GFAP: variants seen among roughly 807,000 people sequenced by gnomAD.
GFAP encodes glial fibrillary acidic protein.
Under a neutral mutation model 49.3 loss-of-function variants are expected in GFAP, and 38 were observed. That is an observed-to-expected ratio of 0.77 (90% CI 0.60 to 1.01). GFAP has a LOEUF of 1.01. Among genes scored for constraint, GFAP ranks in the 50% least tolerant of loss-of-function variants. The pLI is 0.00. For synonymous variants in GFAP, 222 were observed against 236.4 expected, an observed-to-expected ratio of 0.94 and a Z score of 0.56; for missense variants, 463 against 579.1, an observed-to-expected ratio of 0.80 and a Z score of 2.06.
chr17:44,904,203 G>C lies in GFAP; in HGVS notation c.*3144C>G, dbSNP rs1317001313. Reference sequence around the variant, plus strand: ...TCTGAGGACTCAGGCCTGTACTTCTGCGGCACCCGCAAGGGGGACTACTTT... The same window carrying C: ...TCTGAGGACTCAGGCCTGTACTTCTCCGGCACCCGCAAGGGGGACTACTTT... On this transcript the variant is annotated 3_prime_UTR_variant, in exon 9 of 9. Coordinates refer to ENST00000588735, the MANE Select transcript of GFAP (RefSeq NM_002055.5). The C allele has an allele frequency of 1.3e-6, 2 of 1,550,440 alleles. No individual in the cohort carries two copies. The highest frequency in any genetic ancestry group is 2.7e-5 in the African/African-American group (2 of 73,046).
chr17:44,909,085 A>AGG (rs1247499002), intron 7 of GFAP: 1 of 152,014 alleles, frequency 6.6e-6, no homozygotes, highest in Non-Finnish European at 1.5e-5. Context: ...TGAGTGACAG[A>AGG]GGGACGCTCT....
At position 44,905,437 on chromosome 17, in the gene GFAP, T is replaced by A. The variant is rs1274146460; in HGVS notation, c.*1910A>T. On this transcript the variant is annotated 3_prime_UTR_variant, in exon 9 of 9. Transcript: ENST00000588735. The stretch of plus-strand genomic sequence containing the variant: ...GCCTATGAAGATTGTGCTGGTTGAG[T>A]TGCAGGTAGCAGGGAGAGGAAGGAA... The A allele has an allele frequency of 4.7e-6, 1 of 211,194 alleles. No homozygotes were observed. Among genetic ancestry groups the A allele is most frequent in the Non-Finnish European group, 1.0e-5 (1 of 96,722 alleles). 13.1% of individuals were successfully genotyped at this position (211,194 alleles called of 1,614,324 possible). A position where few individuals can be genotyped will look rare whatever the true frequency, so the allele number is the denominator to read the frequency against.
At position 44,907,392 on chromosome 17, in the gene GFAP, C is replaced by T. The variant is rs1947474216; in HGVS notation, c.1258-4G>A. 1 of 1,609,890 alleles carries T rather than the reference C, an allele frequency of 6.2e-7. No homozygotes were observed. The highest frequency in any genetic ancestry group is 1.1e-5 in the South Asian group (1 of 91,008). On this transcript the variant is annotated splice_region_variant and splice_polypyrimidine_tract_variant and intron_variant, in intron 8 of 8. Coordinates refer to ENST00000588735, the MANE Select transcript of GFAP (RefSeq NM_002055.5). ...CCTGCTTGGACTCCTTAATGACCTG[C>T]AGGGGACAGGGAACGTGCACAGTGC...
Position 44,904,033 on chromosome 17 carries a change from A to C in GFAP, c.*3314T>G. 1 of 1,550,644 alleles carries C rather than the reference A, an allele frequency of 6.4e-7. No homozygotes were observed. The highest frequency in any genetic ancestry group is 8.7e-7 in the Non-Finnish European group (1 of 1,147,006). On this transcript the variant is annotated 3_prime_UTR_variant, in exon 9 of 9. Transcript: ENST00000588735. ...TGCCAGCTGTAGTCTGGTTCTACCA[A>C]AAGCACCTAGGTAGCAGCCACACCA... is the stretch of plus-strand genomic sequence containing the variant.
intron 4 of GFAP, among the ~76,000 whole-genome samples, chr17:44,912,107 T>TG (rs1555574313): frequency 6.8e-6 from 1 of 147,068 alleles, no homozygotes; most frequent in African/African-American, 2.6e-5. Flanking sequence ...GTGTTTTGTG[T>TG]GTTTTTGTTT....
intron 7 of GFAP, 23 bp downstream of exon 7, chr17:44,910,592 C>G (rs1210658190): frequency 6.4e-7 from 1 of 1,565,904 alleles, no homozygotes; most frequent in South Asian, 1.2e-5. Context: ...AGTGCCCTTC[C>G]CACGAGGCCC....
chr17:44,906,787 T>A lies in GFAP; in HGVS notation c.*560A>T. The A allele has an allele frequency of 5.7e-6, 1 of 176,366 alleles. No homozygotes were observed. Among genetic ancestry groups the A allele is most frequent in the Non-Finnish European group, 1.2e-5 (1 of 82,398 alleles). The allele number at this position is 176,366 out of a possible 1,614,324, so 10.9% of individuals were successfully genotyped here. A position where few individuals can be genotyped will look rare whatever the true frequency, so the allele number is the denominator to read the frequency against. On this transcript the variant is annotated 3_prime_UTR_variant, in exon 9 of 9. Coordinates refer to ENST00000588735, the MANE Select transcript of GFAP (RefSeq NM_002055.5). ...TGGGTAGACTGCTTGAGCCCAGGAGTTCAAGGTCAGCCTAGGCAGCATAGG... is the reference window on the plus strand; with the variant it reads ...TGGGTAGACTGCTTGAGCCCAGGAGATCAAGGTCAGCCTAGGCAGCATAGG...
Position 44,911,114 on chromosome 17 carries a change from G to T in GFAP, c.1127+122C>A, listed in dbSNP as rs2051751424. The T allele has an allele frequency of 3.5e-6, 3 of 845,988 alleles. No homozygotes were observed. The East Asian group carries it at 7.3e-5, about 21-fold the overall frequency. 52.4% of individuals were successfully genotyped at this position (845,988 alleles called of 1,614,324 possible). On this transcript the variant is annotated intron_variant, in intron 6 of 8. Transcript: ENST00000588735. ...ATGTGTGAGGCAGGCACTGTGCTGG[G>T]CATTGAGGTGGGAAGGGATCTGCAC...
Position 44,908,020 on chromosome 17 carries a change from C to T in GFAP, c.1257+44G>A, listed in dbSNP as rs764315844. The T allele has an allele frequency of 1.1e-5, 15 of 1,390,680 alleles. No individual in the cohort carries two copies. The East Asian group carries it at 3.0e-4, about 27-fold the overall frequency. 86.1% of individuals were successfully genotyped at this position (1,390,680 alleles called of 1,614,324 possible). A position where few individuals can be genotyped will look rare whatever the true frequency, so the allele number is the denominator to read the frequency against. ...CCTCCATGGCCTGGCCTTGAGAATC[C>T]CTGGGGCCAGCCAGAGCCTGACTGG... is the stretch of plus-strand genomic sequence containing the variant. On this transcript the variant is annotated intron_variant, in intron 8 of 8. Transcript: ENST00000588735.
Position 44,903,959 on chromosome 17 carries a change from C to A in GFAP, c.*3388G>T. On this transcript the variant is annotated 3_prime_UTR_variant, in exon 9 of 9. Transcript: ENST00000588735. ...CCTGATGTTTGAAAATGCAGCCTACCTGGCCGACATGAGCTTTGAGCTTCC... is the reference window on the plus strand; with the variant it reads ...CCTGATGTTTGAAAATGCAGCCTACATGGCCGACATGAGCTTTGAGCTTCC... The A allele has an allele frequency of 1.3e-6, 2 of 1,550,610 alleles. No individual in the cohort carries two copies. Among genetic ancestry groups the A allele is most frequent in the South Asian group, 2.4e-5 (2 of 84,050 alleles).
intron 7 of GFAP, chr17:44,910,402 C>T (rs1293076177): frequency 1.9e-6 from 3 of 1,600,030 alleles, no homozygotes; most frequent in African/African-American, 2.7e-5. Context: ...GAAGAGGGAC[C>T]AGGGCCTAGC....
In GFAP at chr17:44,906,225, A is replaced by G; in HGVS notation, c.*1122T>C. 1 of 152,420 alleles carries G rather than the reference A, an allele frequency of 6.6e-6. No individual in the cohort carries two copies. The highest frequency in any genetic ancestry group is 1.5e-5 in the Non-Finnish European group (1 of 68,120). The allele number at this position is 152,420 out of a possible 1,614,324, so 9.4% of individuals were successfully genotyped here. On this transcript the variant is annotated 3_prime_UTR_variant, in exon 9 of 9. Coordinates refer to ENST00000588735, the MANE Select transcript of GFAP (RefSeq NM_002055.5). ...TGGGACAAAGTCATGCCCTGCCCCC[A>G]TGGATACATCCCCTTTCTCTCCTGT...
intron 1 of GFAP, 168 bp from the exon 2 acceptor site, chr17:44,914,256 G>T: frequency 1.6e-6 from 1 of 609,364 alleles, no homozygotes; most frequent in Admixed American, 2.8e-5. Flanking sequence ...TTGTCTGGAG[G>T]ATGAGCAGAT....
rs1567768275 is a variant in GFAP, at chr17:44,904,986, T to TGA, written c.*2360_*2361insTC. 4 of 1,550,842 alleles carry TGA rather than the reference T, an allele frequency of 2.6e-6. No individual in the cohort carries two copies. In the South Asian group the frequency reaches 4.8e-5, roughly 18 times the overall value. ...GTGGAGCTCACCCTGATAGGCTACC[T>TGA]GCTCATCACAGCAGTCTTTGTCACC... is the stretch of plus-strand genomic sequence containing the variant. On this transcript the variant is annotated 3_prime_UTR_variant, in exon 9 of 9. Transcript: ENST00000588735.
Position 44,913,312 on chromosome 17 carries a change from G to T in GFAP, c.737C>A (p.Ala246Glu), listed in dbSNP as rs374224631. 6 of 1,614,046 alleles carry T rather than the reference G, an allele frequency of 3.7e-6. No individual in the cohort carries two copies. In the African/African-American group the frequency reaches 6.7e-5, roughly 18 times the overall value. ...TTCGGCTTCATGCATGTTGCTGGAC[G>T]CCATTGCCTCATACTGCGTGCGGAT... The part of the protein sequence containing the change: ...KEIRTQYEAM[A>E]SSNMHEAEEW... The change falls in exon 4 of 9, where the codon GCG (alanine) becomes GAG (glutamate). Residue 246 changes from alanine (A) to glutamate (E), a missense_variant. Ala to Glu is a moderately radical substitution (Grantham distance 107, BLOSUM62 -1). Transcript: ENST00000588735.
At chr17:44,913,103 C>G (rs1478229191) in intron 4 of GFAP, among the ~76,000 whole-genome samples, 166 bp downstream of exon 4, 1 of 152,184 alleles carries the variant, frequency 6.6e-6, no homozygotes, top group Admixed American at 6.5e-5. Flanking sequence ...CTTTTGAAAG[C>G]AATAGTGCCT....
intron 6 of GFAP, 42 bp downstream of exon 6, chr17:44,911,194 G>A (rs760797744): frequency 3.2e-6 from 5 of 1,551,030 alleles, no homozygotes; most frequent in African/African-American, 1.4e-5. Context: ...TCTACCGTGA[G>A]GCAGCAGGGA....
At chr17:44,910,125 G>A (rs1375239327) in intron 7 of GFAP, 2 of 1,613,876 alleles carry the variant, frequency 1.2e-6, no homozygotes, top group Admixed American at 1.7e-5. Flanking sequence ...CCGTGTCTGA[G>A]AGGCAGGCAG....
chr17:44,910,433 C>A lies in GFAP; in HGVS notation c.1171+182G>T, dbSNP rs756042839. The A allele has an allele frequency of 8.2e-6, 13 of 1,580,520 alleles. No individual in the cohort carries two copies. In the African/African-American group the frequency reaches 1.2e-4, roughly 15 times the overall value. On this transcript the variant is annotated intron_variant, in intron 7 of 8. Coordinates refer to ENST00000588735, the MANE Select transcript of GFAP (RefSeq NM_002055.5). Reference sequence around the variant, plus strand: ...CTAGCAGGACAGGGGCAGCTGCAAGCCCCACCTAGAAGTACCCTGGTATGA... The same window carrying A: ...CTAGCAGGACAGGGGCAGCTGCAAGACCCACCTAGAAGTACCCTGGTATGA...
Sources: gnomAD v4.1 joint callset for allele counts (sites outside exome capture counted in the v4.1 genomes callset) on GRCh38, gnomAD v4.1.1 for gene constraint, MANE v1.5 for transcripts, NCBI Gene and HGNC (gene_info 2026-07-23, HGNC 2026-07-21) for gene names.